Variants in CERT1 observed in about 807,000 individuals in gnomAD.
CERT1 encodes ceramide transporter 1.
Under a neutral mutation model 87.9 loss-of-function variants are expected in CERT1, and 31 were observed. That is an observed-to-expected ratio of 0.35 (90% CI 0.27 to 0.48). The LOEUF is 0.48. Ranked by LOEUF, CERT1 falls within the 20% of genes least tolerant of loss-of-function variation. CERT1 has a pLI of 0.99. For synonymous variants in CERT1, 289 were observed against 250.9 expected (o/e 1.15, Z -1.44); for missense variants, 487 against 758.0 (o/e 0.64, Z 4.20).
chr5:75,507,753 T>C (rs1767721447), intron 1 of CERT1, among the ~76,000 whole-genome samples: 3 of 152,312 alleles, frequency 2.0e-5, no homozygotes, highest in South Asian at 4.1e-4. Context: ...CAAGTTACTT[T>C]TGTAAACTTC....
At chr5:75,395,019 G>C (rs1762189288) in intron 11 of CERT1, among the ~76,000 whole-genome samples, 1 of 152,150 alleles carries the variant, frequency 6.6e-6, no homozygotes, top group Non-Finnish European at 1.5e-5. Flanking sequence ...CACTGAAAAA[G>C]GGAGAGGGGT....
chr5:75,511,491 C>T lies in CERT1; in HGVS notation c.-284G>A. On this transcript the variant is annotated 5_prime_UTR_variant, in exon 1 of 17. It adds an upstream start codon to the 5' untranslated region. Transcript: ENST00000643780. The stretch of plus-strand genomic sequence containing the variant: ...CCCTGCGTTGCGCCCGGCGCTGCCA[C>T]CCGAACTTAGCCCCCTCGATGCCAA... 6.7e-7 allele frequency: 1 copy of T among 1,498,690 alleles called. No individual in the cohort carries two copies. Among genetic ancestry groups the T allele is most frequent in the Non-Finnish European group, 8.9e-7 (1 of 1,125,098 alleles). 92.8% of individuals were successfully genotyped at this position (1,498,690 alleles called of 1,614,324 possible). A position where few individuals can be genotyped will look rare whatever the true frequency, so the allele number is the denominator to read the frequency against.
At chr5:75,429,082 G>A (rs1256326641) in intron 3 of CERT1, among the ~76,000 whole-genome samples, 3 of 151,118 alleles carry the variant, frequency 2.0e-5, no homozygotes, top group African/African-American at 7.3e-5. Context: ...TGGTCTTTTT[G>A]TCAAAAAACA....
At chr5:75,510,028 T>C (rs1767850730) in intron 1 of CERT1, among the ~76,000 whole-genome samples, 1 of 152,220 alleles carries the variant, frequency 6.6e-6, no homozygotes, top group African/African-American at 2.4e-5. Flanking sequence ...TCATTAGCTT[T>C]CTAGACATTA....
chr5:75,485,482 C>T (rs983962990), intron 2 of CERT1, among the ~76,000 whole-genome samples: 2 of 151,482 alleles, frequency 1.3e-5, no homozygotes, highest in African/African-American at 4.8e-5. Context: ...AAGAAAAGAG[C>T]AAACCAAACC....
At chr5:75,449,416 C>T (rs562379705) in intron 3 of CERT1, among the ~76,000 whole-genome samples, 16 of 152,266 alleles carry the variant, frequency 1.1e-4, no homozygotes, top group East Asian at 5.8e-4. Flanking sequence ...TTGCAGGTAG[C>T]GTATTCTAAA....
intron 2 of CERT1, among the ~76,000 whole-genome samples, chr5:75,468,410 C>T (rs1765560494): frequency 6.6e-6 from 1 of 152,074 alleles, no homozygotes; most frequent in Non-Finnish European, 1.5e-5. Flanking sequence ...AGGACTTTCC[C>T]TTGGTTCCTA....
At chr5:75,476,773 A>G (rs1182872554) in intron 2 of CERT1, among the ~76,000 whole-genome samples, 1 of 152,236 alleles carries the variant, frequency 6.6e-6, no homozygotes, top group Non-Finnish European at 1.5e-5. Flanking sequence ...AGACAGTGAA[A>G]AATACTTCGG....
chr5:75,469,090 A>G (rs1010264165), intron 2 of CERT1, among the ~76,000 whole-genome samples: 1 of 152,226 alleles, frequency 6.6e-6, no homozygotes, highest in African/African-American at 2.4e-5. Flanking sequence ...GCAAATGACA[A>G]GATGAGAAAA....
chr5:75,488,248 G>A (rs1766617996), intron 2 of CERT1, among the ~76,000 whole-genome samples: 1 of 151,968 alleles, frequency 6.6e-6, no homozygotes, highest in Non-Finnish European at 1.5e-5. Flanking sequence ...GGTGGATGCT[G>A]CATTTACCAC....
chr5:75,493,148 T>C (rs1248590199), intron 2 of CERT1, among the ~76,000 whole-genome samples: 1 of 152,224 alleles, frequency 6.6e-6, no homozygotes, highest in African/African-American at 2.4e-5. Flanking sequence ...TTTTACTTTT[T>C]ATTATGAAAA....
chr5:75,495,146 C>T lies in CERT1; in HGVS notation c.231+10836G>A, dbSNP rs184482074. Among the ~76,000 whole-genome samples, 161 of 152,292 alleles carry T rather than the reference C, an allele frequency of 1.1e-3. 1 individual carries two copies. Among genetic ancestry groups the T allele is most frequent in the Middle Eastern group, 6.8e-3 (2 of 294 alleles). On this transcript the variant is annotated intron_variant, in intron 2 of 16. Transcript: ENST00000643780. ...AAGTAATCTTTTTCAAGTGATGAAT[C>T]CTCATTAGAGGGAAAGTATATTTTT...
intron 7 of CERT1, 92 bp downstream of exon 7, chr5:75,416,784 T>C: frequency 8.8e-7 from 1 of 1,142,668 alleles, no homozygotes; most frequent in Non-Finnish European, 1.2e-6. Context: ...AACCCAAGAT[T>C]CTTCCCTAAG....
Position 75,419,498 on chromosome 5 carries a change from G to A in CERT1, c.596-74C>T. 4 of 980,202 alleles carry A rather than the reference G, an allele frequency of 4.1e-6. No individual in the cohort carries two copies. In the Admixed American group the frequency reaches 8.5e-5, roughly 21 times the overall value. 60.7% of individuals were successfully genotyped at this position (980,202 alleles called of 1,614,324 possible). A position where few individuals can be genotyped will look rare whatever the true frequency, so the allele number is the denominator to read the frequency against. On this transcript the variant is annotated intron_variant, in intron 5 of 16. Transcript: ENST00000643780. ...AATGTCTATTCTTATGTTCAACTGA[G>A]TCATTTTACTCTGGATTCTGATTCT... is the stretch of plus-strand genomic sequence containing the variant.
upstream of CERT1, chr5:75,511,710 C>A: frequency 6.5e-7 from 1 of 1,544,792 alleles, no homozygotes; most frequent in Non-Finnish European, 8.7e-7. Flanking sequence ...CCCCTCCCGG[C>A]GTCTGACGCG....
At chr5:75,395,237 A>C (rs1261692471) in intron 11 of CERT1, among the ~76,000 whole-genome samples, 2 of 152,212 alleles carry the variant, frequency 1.3e-5, no homozygotes, top group African/African-American at 4.8e-5. Context: ...GTGTTATGCA[A>C]ATAACTGTGA....
chr5:75,381,174 T>G lies in CERT1; in HGVS notation c.1645A>C (p.Ile549Leu). ...PLNNRCVRAK[I>L]NVAMICQTLV... is the part of the protein sequence containing the mutation. ...GTTTGACAAATCATAGCAACATTTA[T>G]TTTGGCACGGACACATCGGTTGTTT... The change falls in exon 16 of 17, where the codon ATA (isoleucine) becomes CTA (leucine). Residue 549 changes from isoleucine (I) to leucine (L), a missense_variant. By Grantham distance (5) the Ile-to-Leu change is conservative. Transcript: ENST00000643780. The G allele has an allele frequency of 6.2e-7, 1 of 1,614,176 alleles. No homozygotes were observed. Among genetic ancestry groups the G allele is most frequent in the Non-Finnish European group, 8.5e-7 (1 of 1,180,016 alleles).
intron 2 of CERT1, among the ~76,000 whole-genome samples, chr5:75,460,327 T>C (rs1244649610): frequency 6.6e-6 from 1 of 152,154 alleles, no homozygotes; most frequent in East Asian, 1.9e-4. Flanking sequence ...TTACATGTCT[T>C]TGATAGTAAC....
chr5:75,408,997 C>T (rs1257745403), intron 8 of CERT1, among the ~76,000 whole-genome samples: 2 of 151,882 alleles, frequency 1.3e-5, no homozygotes, highest in African/African-American at 4.8e-5. Context: ...TACTTACATA[C>T]TGCTGGTAGA....
Sources: allele counts gnomAD v4.1 joint callset (sites outside exome capture counted in the v4.1 genomes callset), GRCh38; gene constraint gnomAD v4.1.1; transcripts MANE v1.5; gene names NCBI Gene and HGNC (gene_info 2026-07-23, HGNC 2026-07-21).